HYDIN: variants seen among roughly 807,000 people sequenced by gnomAD.
HYDIN encodes the protein HYDIN axonemal central pair apparatus protein, also known as axonemal central pair apparatus protein HYDIN.
HYDIN carries 132 observed loss-of-function variants against 403.9 expected under a neutral mutation model. That is an observed-to-expected ratio of 0.33 (90% confidence interval 0.28 to 0.38). The LOEUF (loss-of-function observed/expected upper bound fraction) is 0.38, where lower values mean the gene tolerates loss of function less well. HYDIN is among the 10% of genes least tolerant of loss of function. HYDIN has a pLI of 1.00. For missense variants in HYDIN, 2,827 were observed against 5,009.5 expected, an observed-to-expected ratio of 0.56 and a Z score of 13.15; for synonymous variants, 1,202 against 1,891.7, an observed-to-expected ratio of 0.64 and a Z score of 9.46.
At chr16:71,137,754 T>C (rs979199649) in intron 7 of HYDIN, among the ~76,000 whole-genome samples, 5 of 152,260 alleles carry the variant, frequency 3.3e-5, no homozygotes, top group Non-Finnish European at 5.9e-5. Flanking sequence ...TTGTACCAAC[T>C]ATACTTAAGA....
chr16:71,215,609 T>C (rs139025248), intron 1 of HYDIN, among the ~76,000 whole-genome samples: 2 of 151,882 alleles, frequency 1.3e-5, no homozygotes, highest in African/African-American at 4.8e-5. Context: ...GGCTCATGCC[T>C]GTGATCCCAG....
chr16:70,824,100 A>G (rs1567659612), intron 83 of HYDIN, among the ~76,000 whole-genome samples: 2 of 151,658 alleles, frequency 1.3e-5, no homozygotes, highest in South Asian at 4.2e-4. Context: ...ATGGAGTATT[A>G]TAATCATTAT....
intron 1 of HYDIN, among the ~76,000 whole-genome samples, chr16:71,214,923 T>C (rs1424980264): frequency 6.6e-6 from 1 of 152,210 alleles, no homozygotes; most frequent in East Asian, 1.9e-4. Flanking sequence ...ACTCAGGCTC[T>C]GTCTCCTTGG....
At chr16:71,031,168 C>G (rs1394985900) in intron 19 of HYDIN, among the ~76,000 whole-genome samples, 1 of 145,158 alleles carries the variant, frequency 6.9e-6, no homozygotes, top group African/African-American at 2.7e-5. Context: ...CCACTGCACT[C>G]CAGCCTAGGC....
intron 7 of HYDIN, among the ~76,000 whole-genome samples, chr16:71,138,146 T>G (rs373502720): frequency 1.1e-3 from 160 of 140,748 alleles, no homozygotes; most frequent in African/African-American, 4.3e-3. Flanking sequence ...AAACTATATT[T>G]GATTTGATCT....
intron 58 of HYDIN, among the ~76,000 whole-genome samples, chr16:70,888,954 C>A (rs1034559312): frequency 6.6e-6 from 1 of 152,262 alleles, no homozygotes; most frequent in Non-Finnish European, 1.5e-5. Context: ...CTAGGGGCAA[C>A]CTAGAAAGGC....
intron 45 of HYDIN, among the ~76,000 whole-genome samples, chr16:70,925,675 C>T (rs1054188770): frequency 3.7e-4 from 55 of 150,536 alleles, no homozygotes; most frequent in Middle Eastern, 3.2e-3. Flanking sequence ...GAACAGGCAA[C>T]CTACAAAATG....
intron 47 of HYDIN, among the ~76,000 whole-genome samples, chr16:70,915,261 G>A (rs1201743922): frequency 1.1e-4 from 17 of 152,106 alleles, no homozygotes; most frequent in Non-Finnish European, 1.6e-4. Context: ...CTTCTTATTT[G>A]GGTAGGCTCT....
At chr16:71,050,653 T>C (rs1303699886) in intron 18 of HYDIN, among the ~76,000 whole-genome samples, 1 of 151,860 alleles carries the variant, frequency 6.6e-6, no homozygotes, top group African/African-American at 2.4e-5. Context: ...ATATGTAGCC[T>C]CTTCAGGTTG....
intron 1 of HYDIN, chr16:71,203,613 G>A (rs2088137757): frequency 5.0e-6 from 2 of 397,446 alleles, no homozygotes; most frequent in East Asian, 7.1e-5. Context: ...TGGAAATTCA[G>A]GAATTAAGAA....
chr16:71,037,810 G>C (rs1315678144), intron 18 of HYDIN, among the ~76,000 whole-genome samples: 2 of 152,230 alleles, frequency 1.3e-5, no homozygotes, highest in African/African-American at 4.8e-5. Flanking sequence ...AAGGAATGCA[G>C]CTCGGCTAAC....
chr16:70,979,424 G>A (rs2078979262), intron 29 of HYDIN, among the ~76,000 whole-genome samples: 2 of 152,196 alleles, frequency 1.3e-5, no homozygotes, highest in African/African-American at 4.8e-5. Context: ...AACCCAGACA[G>A]CCGGTCACCC....
At chr16:70,847,807 A>G (rs1358738769) in intron 75 of HYDIN, among the ~76,000 whole-genome samples, 1 of 152,012 alleles carries the variant, frequency 6.6e-6, no homozygotes, top group African/African-American at 2.4e-5. Flanking sequence ...AGCTTTCTGG[A>G]TATTTAATTG....
At chr16:70,808,194 G>T (rs11866379) in intron 85 of HYDIN, 132 bp from the exon 86 acceptor site, 191 of 1,064,030 alleles carry the variant, frequency 1.8e-4, no homozygotes, top group Admixed American at 7.4e-4. Context: ...ATGTTATAAA[G>T]TTGTGTCCTT....
chr16:70,851,441 G>A (rs553949468), intron 73 of HYDIN, among the ~76,000 whole-genome samples: 3 of 150,312 alleles, frequency 2.0e-5, no homozygotes, highest in African/African-American at 7.5e-5. Flanking sequence ...TTCTCAAAAG[G>A]AAACAGAAAA....
At chr16:71,015,964 T>C (rs1299268378) in intron 23 of HYDIN, among the ~76,000 whole-genome samples, 18 of 151,956 alleles carry the variant, frequency 1.2e-4, no homozygotes, top group African/African-American at 4.3e-4. Context: ...TCTATACATA[T>C]ACATAAATGA....
At chr16:71,205,853 A>G (rs2088271266) in intron 1 of HYDIN, among the ~76,000 whole-genome samples, 1 of 152,168 alleles carries the variant, frequency 6.6e-6, no homozygotes, top group South Asian at 2.1e-4. Context: ...TAGAGCTTCT[A>G]GCCCAGCAGC....
chr16:71,211,272 G>A (rs1406129219), intron 1 of HYDIN, among the ~76,000 whole-genome samples: 1 of 152,184 alleles, frequency 6.6e-6, no homozygotes, highest in African/African-American at 2.4e-5. Context: ...AAACTGTCCA[G>A]AGAACTTCAA....
intron 1 of HYDIN, among the ~76,000 whole-genome samples, chr16:71,200,374 C>T (rs1304595298): frequency 6.6e-6 from 1 of 152,120 alleles, no homozygotes; most frequent in Non-Finnish European, 1.5e-5. Flanking sequence ...GGGTCTGGAT[C>T]GGGACCCCTT....
Sources: allele counts gnomAD v4.1 joint callset (sites outside exome capture counted in the v4.1 genomes callset), GRCh38; gene constraint gnomAD v4.1.1; transcripts MANE v1.5; gene names NCBI Gene and HGNC (gene_info 2026-07-23, HGNC 2026-07-21).